GFRA2: variants seen among roughly 807,000 people sequenced by gnomAD.
GFRA2 encodes the protein GDNF family receptor alpha-2.
A neutral mutation model predicts 48.3 loss-of-function variants in GFRA2; 17 were observed. The ratio of observed to expected loss-of-function variants is 0.35; its 90% confidence interval spans 0.24 to 0.53. The LOEUF is 0.53. Ranked by LOEUF, GFRA2 falls within the 20% of genes least tolerant of loss-of-function variation. The probability of loss-of-function intolerance (pLI) is 0.93; values close to 1 mark genes in which losing one functional copy is unlikely to be tolerated. For synonymous variants in GFRA2, 305 were observed against 257.2 expected (o/e 1.19, Z -1.78); for missense variants, 660 against 637.3 (o/e 1.04, Z -0.38).
intron 1 of GFRA2, among the ~76,000 whole-genome samples, chr8:21,787,912 C>A (rs1288729966): frequency 3.3e-5 from 5 of 152,076 alleles, no homozygotes; most frequent in Admixed American, 1.3e-4. Context: ...CCTCCCGATC[C>A]CCCTGCGTCG....
intron 4 of GFRA2, among the ~76,000 whole-genome samples, chr8:21,742,845 T>C (rs1486771910): frequency 6.6e-6 from 1 of 152,164 alleles, no homozygotes; most frequent in Admixed American, 6.5e-5. Flanking sequence ...AGGATCCGCA[T>C]CTCATCCACC....
In GFRA2 at chr8:21,692,249, A is replaced by G. The variant is rs1041800735; in HGVS notation, c.*1029T>C. ...GCTTAAAAAAAGGAAAGAAAGGGGA[A>G]ACCACACAATATATGTATATGGATG... On this transcript the variant is annotated 3_prime_UTR_variant, in exon 9 of 9. Coordinates refer to ENST00000524240, the MANE Select transcript of GFRA2 (RefSeq NM_001495.5). The G allele has an allele frequency of 2.0e-5, 3 of 152,486 alleles. No individual in the cohort carries two copies. Among genetic ancestry groups the G allele is most frequent in the African/African-American group, 7.2e-5 (3 of 41,434 alleles). The allele number at this position is 152,486 out of a possible 1,614,324, so 9.4% of individuals were successfully genotyped here.
At chr8:21,811,149 C>T (rs1303233012) in intron 1 of GFRA2, among the ~76,000 whole-genome samples, 1 of 152,198 alleles carries the variant, frequency 6.6e-6, no homozygotes, top group African/African-American at 2.4e-5. Flanking sequence ...TGGGCAGCCA[C>T]CTCCTCAGAG....
At chr8:21,740,187 C>G (rs999189268) in intron 4 of GFRA2, among the ~76,000 whole-genome samples, 15 of 152,184 alleles carry the variant, frequency 9.9e-5, no homozygotes, top group Admixed American at 9.8e-4. Context: ...GTCACTCTCA[C>G]TCTCCTGCCT....
chr8:21,711,366 C>CA (rs1245989303), intron 4 of GFRA2, among the ~76,000 whole-genome samples: 6 of 152,104 alleles, frequency 3.9e-5, no homozygotes, highest in Non-Finnish European at 8.8e-5. Flanking sequence ...GCAAGAGAAC[C>CA]AAAATGAAGA....
At chr8:21,751,748 G>A (rs1563247096) in intron 3 of GFRA2, among the ~76,000 whole-genome samples, 1 of 152,228 alleles carries the variant, frequency 6.6e-6, no homozygotes, top group African/African-American at 2.4e-5. Context: ...CCAGGTGACT[G>A]ACTGACCACT....
intron 4 of GFRA2, among the ~76,000 whole-genome samples, chr8:21,714,246 C>CTTTTTTGTTTTTT (rs1803218703): frequency 1.3e-5 from 1 of 78,400 alleles, no homozygotes; most frequent in African/African-American, 5.2e-5. Flanking sequence ...GTCTGAAGTT[C>CTTTTTTGTTTTTT]TTTTTTTTTT....
In GFRA2 at chr8:21,691,982, G is replaced by A. The variant is rs929543344; in HGVS notation, c.*1296C>T. On this transcript the variant is annotated 3_prime_UTR_variant, in exon 9 of 9. Coordinates refer to ENST00000524240, the MANE Select transcript of GFRA2 (RefSeq NM_001495.5). Reference sequence around the variant, plus strand: ...GGTAACACTGGACCAAGAACAAAATGGGGGCAAAACCCCACGGGACCGAGG... The same window carrying A: ...GGTAACACTGGACCAAGAACAAAATAGGGGCAAAACCCCACGGGACCGAGG... 6.6e-6 allele frequency: 1 copy of A among 152,602 alleles called. No individual in the cohort carries two copies. Among genetic ancestry groups the A allele is most frequent in the African/African-American group, 2.4e-5 (1 of 41,434 alleles). 9.5% of individuals were successfully genotyped at this position (152,602 alleles called of 1,614,324 possible).
At chr8:21,752,133 G>A (rs1805322551) in intron 3 of GFRA2, among the ~76,000 whole-genome samples, 1 of 151,896 alleles carries the variant, frequency 6.6e-6, no homozygotes, top group Non-Finnish European at 1.5e-5. Context: ...TGATTTTGCT[G>A]TCTTCTAGAC....
chr8:21,792,835 C>G (rs1016633912), upstream of GFRA2, among the ~76,000 whole-genome samples: 70 of 152,322 alleles, frequency 4.6e-4, no homozygotes, highest in African/African-American at 1.2e-3. Context: ...GAGGCAGAGG[C>G]GGGCAGATCA....
At chr8:21,730,274 C>T (rs1304800281) in intron 4 of GFRA2, among the ~76,000 whole-genome samples, 4 of 152,008 alleles carry the variant, frequency 2.6e-5, no homozygotes, top group African/African-American at 9.7e-5. Flanking sequence ...CATGGTGGTG[C>T]ATGCCTGTAG....
intron 4 of GFRA2, among the ~76,000 whole-genome samples, chr8:21,721,791 C>T (rs1166183622): frequency 1.3e-5 from 2 of 152,198 alleles, no homozygotes; most frequent in East Asian, 3.9e-4. Flanking sequence ...GCCTGCCCAC[C>T]ACATCCCAGA....
chr8:21,704,603 G>A (rs972992394), intron 6 of GFRA2, among the ~76,000 whole-genome samples: 9 of 152,346 alleles, frequency 5.9e-5, no homozygotes, highest in Middle Eastern at 3.4e-3. Flanking sequence ...TCTGGGTTAG[G>A]AGTTTGACGA....
At chr8:21,737,781 T>C (rs944081440) in intron 4 of GFRA2, among the ~76,000 whole-genome samples, 34 of 152,108 alleles carry the variant, frequency 2.2e-4, no homozygotes, top group Admixed American at 2.2e-3. Context: ...ACAGCTTCCC[T>C]TCTCAGAATG....
chr8:21,794,672 C>G (rs1807637143), intron 2 of GFRA2, among the ~76,000 whole-genome samples: 1 of 152,116 alleles, frequency 6.6e-6, no homozygotes, highest in Non-Finnish European at 1.5e-5. Flanking sequence ...AGCTTGGTGC[C>G]CAGCTAAGTG....
chr8:21,770,763 C>T (rs1261136248), intron 3 of GFRA2, among the ~76,000 whole-genome samples: 1 of 152,164 alleles, frequency 6.6e-6, no homozygotes, highest in South Asian at 2.1e-4. Flanking sequence ...CTGCCCAACC[C>T]GCCCAGTCCT....
At chr8:21,760,203 T>C (rs1296717648) in intron 3 of GFRA2, among the ~76,000 whole-genome samples, 1 of 152,076 alleles carries the variant, frequency 6.6e-6, no homozygotes, top group African/African-American at 2.4e-5. Flanking sequence ...GAACTTCAGA[T>C]TTTATTCTAA....
In GFRA2 at chr8:21,795,364, C is replaced by CT. The variant is rs1220043308; in HGVS notation, c.-35-7171dup. On this transcript the variant is annotated intron_variant, in intron 2 of 10. Coordinates refer to the GFRA2 transcript ENST00000517328. ...CTGAAACACATTGTCTTTTTTTTTT[C>CT]TTTTTTCTTTTTTCTTTTTCTTTTT... 3.6e-3 allele frequency among the ~76,000 whole-genome samples: 532 copies of CT among 148,556 alleles called. 5 individuals carry two copies. The highest frequency in any genetic ancestry group is 0.012 in the African/African-American group (494 of 39,862).
intron 1 of GFRA2, among the ~76,000 whole-genome samples, chr8:21,811,253 C>T (rs561083271): frequency 2.0e-5 from 3 of 152,262 alleles, no homozygotes; most frequent in South Asian, 2.1e-4. Flanking sequence ...ATCGGCCTCC[C>T]GGTGAGGCAT....
Sources: gnomAD v4.1 joint callset for allele counts (sites outside exome capture counted in the v4.1 genomes callset) on GRCh38, gnomAD v4.1.1 for gene constraint, MANE v1.5 for transcripts, NCBI Gene and HGNC (gene_info 2026-07-23, HGNC 2026-07-21) for gene names.